Variants in PRTG observed in about 807,000 individuals in gnomAD.
PRTG encodes immunoglobulin superfamily, DCC subclass, member 5.
In PRTG, 67 loss-of-function variants were observed where a neutral mutation model predicts 122.5. The observed-to-expected ratio is 0.55, with a 90% CI of 0.45 to 0.67. The LOEUF (loss-of-function observed/expected upper bound fraction) is 0.67, where lower values mean the gene tolerates loss of function less well. Ranked by LOEUF, PRTG falls within the 30% of genes least tolerant of loss-of-function variation. The pLI is 0.00. For synonymous variants in PRTG, 554 were observed against 501.1 expected (o/e 1.11, Z -1.41); for missense variants, 1,435 against 1,415.4 (o/e 1.01, Z -0.22).
rs187455668 is a variant in PRTG, at chr15:55,722,797, A to G, written c.397+17585T>C. ...CACTAACAAAATTTGACAAGGTCAG[A>G]GCAGCAAAGTTTTGGCTTGAAGCCA... On this transcript the variant is annotated intron_variant, in intron 2 of 19. Coordinates refer to ENST00000389286, the MANE Select transcript of PRTG (RefSeq NM_173814.6). Among the ~76,000 whole-genome samples the G allele has an allele frequency of 3.1e-3, 477 of 152,264 alleles. 8 individuals carry two copies. Among genetic ancestry groups the G allele is most frequent in the Non-Finnish European group, 3.0e-3 (207 of 68,024 alleles).
At chr15:55,724,630 A>G (rs1255091411) in intron 2 of PRTG, among the ~76,000 whole-genome samples, 1 of 152,036 alleles carries the variant, frequency 6.6e-6, no homozygotes. Flanking sequence ...GTGGTGGTGC[A>G]TGCCTGTAAT....
intron 2 of PRTG, among the ~76,000 whole-genome samples, chr15:55,688,893 T>C (rs1213844368): frequency 6.6e-6 from 1 of 152,156 alleles, no homozygotes. Context: ...AATGAAGTGA[T>C]CTTCTTTCTT....
At chr15:55,678,451 G>T (rs767994676) in intron 7 of PRTG, among the ~76,000 whole-genome samples, 4 of 152,116 alleles carry the variant, frequency 2.6e-5, no homozygotes, top group Non-Finnish European at 4.4e-5. Context: ...TCACTGTGTT[G>T]CCCAGGTTGG....
intron 2 of PRTG, among the ~76,000 whole-genome samples, chr15:55,737,969 A>T (rs1351461831): frequency 7.9e-6 from 1 of 126,078 alleles, no homozygotes; most frequent in Non-Finnish European, 1.7e-5. Flanking sequence ...TGTCCACTTA[A>T]TGCCTATTCT....
At chr15:55,694,926 A>G (rs1279196484) in intron 2 of PRTG, among the ~76,000 whole-genome samples, 5 of 152,186 alleles carry the variant, frequency 3.3e-5, no homozygotes, top group Non-Finnish European at 7.3e-5. Context: ...ACGTAAACCA[A>G]GAGCCCCACA....
At chr15:55,658,339 G>A (rs2059391676) in intron 11 of PRTG, among the ~76,000 whole-genome samples, 1 of 149,228 alleles carries the variant, frequency 6.7e-6, no homozygotes, top group Non-Finnish European at 1.5e-5. Flanking sequence ...TTTTTGAGAT[G>A]AAGTCTTGCT....
chr15:55,718,571 A>T (rs1595674390), intron 2 of PRTG, among the ~76,000 whole-genome samples: 1 of 151,246 alleles, frequency 6.6e-6, no homozygotes, highest in Non-Finnish European at 1.5e-5. Flanking sequence ...CTCTTTTCAG[A>T]CTCAGCCCGC....
chr15:55,681,319 T>C (rs1193344625), intron 4 of PRTG: 2 of 152,042 alleles, frequency 1.3e-5, no homozygotes, highest in African/African-American at 4.8e-5. Context: ...TTTTTCAGCC[T>C]TAAAGGATAT....
intron 2 of PRTG, among the ~76,000 whole-genome samples, chr15:55,692,973 T>C (rs1011592486): frequency 6.6e-6 from 1 of 150,600 alleles, no homozygotes; most frequent in Non-Finnish European, 1.5e-5. Context: ...CCCCAGTAGC[T>C]AGAACTACAG....
intron 16 of PRTG, among the ~76,000 whole-genome samples, chr15:55,627,901 T>C (rs184133845): frequency 1.5e-4 from 23 of 152,224 alleles, no homozygotes; most frequent in Admixed American, 1.2e-3. Context: ...TCACTAAGTC[T>C]GGGGTGGGGC....
At chr15:55,685,045 T>C (rs190538072) in intron 2 of PRTG, among the ~76,000 whole-genome samples, 1 of 152,296 alleles carries the variant, frequency 6.6e-6, no homozygotes, top group East Asian at 1.9e-4. Flanking sequence ...TTCCTTCTAC[T>C]AAGTCTTCCA....
At chr15:55,700,017 G>C (rs982211226) in intron 2 of PRTG, among the ~76,000 whole-genome samples, 3 of 152,098 alleles carry the variant, frequency 2.0e-5, no homozygotes. Flanking sequence ...AAATTGAAGG[G>C]CTCACACTGT....
chr15:55,641,216 G>T lies in PRTG; in HGVS notation c.2042-8C>A, dbSNP rs1341970928. ...GATATTTTCTTCTGGGGTCTATAAAGAAACCAATAGGAAATAATTAGGACC... is the reference window on the plus strand; with the variant it reads ...GATATTTTCTTCTGGGGTCTATAAATAAACCAATAGGAAATAATTAGGACC... On this transcript the variant is annotated splice_polypyrimidine_tract_variant and splice_region_variant and intron_variant, in intron 11 of 19. Transcript: ENST00000389286. 8 of 1,582,780 alleles carry T rather than the reference G, an allele frequency of 5.1e-6. No homozygotes were observed. The highest frequency in any genetic ancestry group is 1.3e-5 in the African/African-American group (1 of 74,264).
intron 13 of PRTG, 81 bp downstream of exon 13, chr15:55,639,561 C>A: frequency 7.7e-7 from 1 of 1,293,346 alleles, no homozygotes; most frequent in Admixed American, 2.0e-5. Flanking sequence ...CGAGCTGGGC[C>A]CAAGATGGTA....
rs772458710 is a variant in PRTG at position 55,620,656 on chromosome 15, AG to A, written c.3198+6del. ...TGCCAAAAATTTTTCTCATTTAGAT[AG>A]GTTACCTGCTCAACTTGTATCTTCT... On this transcript the variant is annotated splice_donor_region_variant and intron_variant, in intron 19 of 19. Coordinates refer to ENST00000389286, the MANE Select transcript of PRTG (RefSeq NM_173814.6). The A allele has an allele frequency of 6.3e-7, 1 of 1,575,710 alleles. No homozygotes were observed. Among genetic ancestry groups the A allele is most frequent in the Non-Finnish European group, 8.6e-7 (1 of 1,169,580 alleles).
In PRTG at chr15:55,698,809, G is replaced by A. The variant is rs2059645854; in HGVS notation, c.398-14878C>T. ...GACTCTCAAATTAGGGCAGTCATCA[G>A]GACTCGTGAATCATGCTCATAGAAA... On this transcript the variant is annotated intron_variant, in intron 2 of 19. Coordinates refer to ENST00000389286, the MANE Select transcript of PRTG (RefSeq NM_173814.6). 2.6e-5 allele frequency among the ~76,000 whole-genome samples: 4 copies of A among 151,976 alleles called. No individual in the cohort carries two copies. In the South Asian group the frequency reaches 8.3e-4, roughly 32 times the overall value.
chr15:55,711,683 C>T (rs1432372370), intron 2 of PRTG, among the ~76,000 whole-genome samples: 3 of 152,100 alleles, frequency 2.0e-5, no homozygotes. Flanking sequence ...TTCTCCTTCA[C>T]CAGCAAGCCT....
intron 11 of PRTG, among the ~76,000 whole-genome samples, chr15:55,671,007 A>G (rs1014992031): frequency 1.3e-5 from 2 of 152,184 alleles, no homozygotes; most frequent in Non-Finnish European, 2.9e-5. Flanking sequence ...ACAGAGATCA[A>G]TAGTGAAACT....
rs2059131219 is a variant in PRTG at position 55,613,863 on chromosome 15, C to T, written c.*6149G>A. 1 of 149,456 alleles carries T rather than the reference C, an allele frequency of 6.7e-6. No individual in the cohort carries two copies. 9.3% of individuals were successfully genotyped at this position (149,456 alleles called of 1,614,324 possible). On this transcript the variant is annotated 3_prime_UTR_variant, in exon 20 of 20. Coordinates refer to ENST00000389286, the MANE Select transcript of PRTG (RefSeq NM_173814.6). ...GGGTTTGTATCTTGCCTAAACCACT[C>T]ACTAGCTGTGACTTTTGGCAAGAGA... is the stretch of plus-strand genomic sequence containing the variant.
Sources: allele counts gnomAD v4.1 joint callset (sites outside exome capture counted in the v4.1 genomes callset), GRCh38; gene constraint gnomAD v4.1.1; transcripts MANE v1.5; gene names NCBI Gene and HGNC (gene_info 2026-07-23, HGNC 2026-07-21).